Variants in SYT1 observed in about 807,000 individuals in gnomAD.
SYT1 encodes synaptotagmin 1.
A neutral mutation model predicts 44.8 loss-of-function variants in SYT1; 8 were observed. The ratio of observed to expected loss-of-function variants is 0.18; its 90% confidence interval spans 0.10 to 0.32. The LOEUF is 0.32. Ranked by LOEUF, SYT1 falls within the 10% of genes least tolerant of loss-of-function variation. The pLI, the probability that SYT1 is intolerant of heterozygous loss-of-function variation, is 1.00. For missense variants in SYT1, 286 were observed against 509.3 expected, an observed-to-expected ratio of 0.56 and a Z score of 4.22; for synonymous variants, 154 against 188.8, an observed-to-expected ratio of 0.82 and a Z score of 1.51.
At chr12:79,392,326 C>T (rs904611284) in intron 9 of SYT1, 2 of 152,090 alleles carry the variant, frequency 1.3e-5, no homozygotes, top group Non-Finnish European at 2.9e-5. Flanking sequence ...TGAAAAACTA[C>T]ATGTCATAGG....
At chr12:79,371,041 A>G (rs909157806) in intron 9 of SYT1, among the ~76,000 whole-genome samples, 4 of 152,136 alleles carry the variant, frequency 2.6e-5, no homozygotes, top group Non-Finnish European at 5.9e-5. Context: ...TGCTAATAAT[A>G]ATTATAGTTA....
intron 4 of SYT1, among the ~76,000 whole-genome samples, chr12:79,274,939 T>TG (rs1414074015): frequency 6.6e-6 from 1 of 152,196 alleles, no homozygotes; most frequent in Non-Finnish European, 1.5e-5. Flanking sequence ...AGCTGGTGCT[T>TG]GCACCTGCCA....
intron 1 of SYT1, among the ~76,000 whole-genome samples, chr12:78,870,633 C>T (rs181669752): frequency 6.6e-6 from 1 of 152,146 alleles, no homozygotes; most frequent in East Asian, 1.9e-4. Flanking sequence ...TGACAGCAGC[C>T]ATCATTTCAG....
In SYT1 at chr12:79,448,971, T is replaced by C; in HGVS notation, c.1116T>C (p.Asp372=). Residue 372 remains aspartate (D), a synonymous_variant, in exon 11 of 11, where the codon GAT becomes GAC. Transcript: ENST00000261205. Reference sequence around the variant, plus strand: ...ACTATGACAAGATTGGCAAGAACGATGCCATCGGCAAAGTCTTTGTGGGCT... The same window carrying C: ...ACTATGACAAGATTGGCAAGAACGACGCCATCGGCAAAGTCTTTGTGGGCT... ...VLDYDKIGKN[D]AIGKVFVGYN... The C allele has an allele frequency of 6.2e-7, 1 of 1,614,216 alleles. No homozygotes were observed.
In SYT1 at chr12:79,245,473, C is replaced by CAAAA. The variant is rs1273397377; in HGVS notation, c.166+27801_166+27804dup. Among the ~76,000 whole-genome samples the CAAAA allele has an allele frequency of 2.0e-3, 86 of 43,214 alleles. 1 individual carries two copies. Among genetic ancestry groups the CAAAA allele is most frequent in the African/African-American group, 2.4e-3 (25 of 10,262 alleles). 28.4% of individuals were successfully genotyped at this position (43,214 alleles called of 152,430 possible). A position where few individuals can be genotyped will look rare whatever the true frequency, so the allele number is the denominator to read the frequency against. Reference sequence around the variant, plus strand: ...TGGGCACAGAGCGAGACTCCGTCAACAAAAAAAAAAAAAAAAGAAAAGAAA... The same window carrying CAAAA: ...TGGGCACAGAGCGAGACTCCGTCAACAAAAAAAAAAAAAAAAAAAAGAAAAGAAA... On this transcript the variant is annotated intron_variant, in intron 4 of 10. Coordinates refer to ENST00000261205, the MANE Select transcript of SYT1 (RefSeq NM_005639.3).
At chr12:79,358,695 C>A (rs896879483) in intron 9 of SYT1, among the ~76,000 whole-genome samples, 1 of 152,116 alleles carries the variant, frequency 6.6e-6, no homozygotes, top group African/African-American at 2.4e-5. Flanking sequence ...CTTGCCCACA[C>A]CCCTACCTTC....
chr12:79,204,910 A>G (rs112765764), intron 3 of SYT1, among the ~76,000 whole-genome samples: 1 of 131,998 alleles, frequency 7.6e-6, no homozygotes, highest in Non-Finnish European at 1.6e-5. Context: ...TCCCTCTTCT[A>G]TCAAAAATAA....
intron 1 of SYT1, among the ~76,000 whole-genome samples, chr12:78,872,912 G>A (rs1873893470): frequency 6.6e-6 from 1 of 151,578 alleles, no homozygotes; most frequent in Non-Finnish European, 1.5e-5. Flanking sequence ...GCATGTAAAG[G>A]GCTTGCGGAT....
chr12:79,158,899 A>G (rs553764322), intron 3 of SYT1, among the ~76,000 whole-genome samples: 14 of 152,208 alleles, frequency 9.2e-5, no homozygotes, highest in Admixed American at 2.6e-4. Flanking sequence ...TTGTCTCAAA[A>G]AAAAAAAATT....
At chr12:78,977,381 TAGC>T in intron 1 of SYT1, 1 of 152,196 alleles carries the variant, frequency 6.6e-6, no homozygotes, top group East Asian at 1.9e-4. Flanking sequence ...CAGAAAAGGA[TAGC>T]ACTCCAGTAT....
At chr12:79,360,041 C>G (rs1883258359) in intron 9 of SYT1, among the ~76,000 whole-genome samples, 1 of 152,116 alleles carries the variant, frequency 6.6e-6, no homozygotes, top group Non-Finnish European at 1.5e-5. Context: ...GGGTGGGAAC[C>G]TGGAAATTGC....
chr12:79,120,998 CAT>C (rs1161808038), intron 3 of SYT1, among the ~76,000 whole-genome samples: 9 of 151,142 alleles, frequency 6.0e-5, no homozygotes, highest in African/African-American at 1.9e-4. Flanking sequence ...TACACACACA[CAT>C]ATTCGTGTAC....
intron 3 of SYT1, among the ~76,000 whole-genome samples, chr12:79,182,388 A>G (rs554085167): frequency 1.3e-5 from 2 of 151,674 alleles, no homozygotes; most frequent in African/African-American, 4.8e-5. Flanking sequence ...GTTTGTCCCA[A>G]CTCCTAAAAT....
At chr12:79,013,331 C>T (rs1291385943) in intron 2 of SYT1, among the ~76,000 whole-genome samples, 1 of 152,044 alleles carries the variant, frequency 6.6e-6, no homozygotes, top group African/African-American at 2.4e-5. Context: ...ACTTTGAGAG[C>T]ATCAGGTCTA....
intron 1 of SYT1, among the ~76,000 whole-genome samples, chr12:78,960,959 T>C (rs1468520364): frequency 6.6e-6 from 1 of 152,146 alleles, no homozygotes. Context: ...TATGGCTCTG[T>C]CATCCATTAA....
chr12:79,043,646 T>C (rs1873765839), intron 2 of SYT1, among the ~76,000 whole-genome samples: 1 of 151,754 alleles, frequency 6.6e-6, no homozygotes, highest in Non-Finnish European at 1.5e-5. Flanking sequence ...AGTATTGTTA[T>C]GTGTGAATTT....
chr12:78,868,633 T>C (rs992651641), intron 1 of SYT1: 3 of 151,836 alleles, frequency 2.0e-5, no homozygotes, highest in Admixed American at 6.6e-5. Context: ...ATCTAAATTT[T>C]TCAAAAAGGT....
intron 1 of SYT1, among the ~76,000 whole-genome samples, chr12:78,866,169 C>T (rs1036780703): frequency 1.3e-5 from 2 of 152,176 alleles, no homozygotes; most frequent in Non-Finnish European, 2.9e-5. Flanking sequence ...ATGGAAGCTA[C>T]ATTTGTGTAG....
intron 9 of SYT1, among the ~76,000 whole-genome samples, chr12:79,362,985 T>C (rs1202452887): frequency 6.6e-6 from 1 of 152,226 alleles, no homozygotes; most frequent in Admixed American, 6.5e-5. Flanking sequence ...TAAACCTTTG[T>C]GTTGTCTTGT....
Sources: gnomAD v4.1 joint callset for allele counts (sites outside exome capture counted in the v4.1 genomes callset) on GRCh38, gnomAD v4.1.1 for gene constraint, MANE v1.5 for transcripts, NCBI Gene and HGNC (gene_info 2026-07-23, HGNC 2026-07-21) for gene names.